CLEC4C: variants seen among roughly 807,000 people sequenced by gnomAD.
CLEC4C encodes C-type lectin domain family 4 member C.
A neutral mutation model predicts 27.7 loss-of-function variants in CLEC4C; 17 were observed. The ratio of observed to expected loss-of-function variants is 0.61; its 90% confidence interval spans 0.42 to 0.92. The LOEUF is 0.92. Ranked by LOEUF, CLEC4C falls within the 40% of genes least tolerant of loss-of-function variation. CLEC4C has a pLI of 0.00. For missense variants in CLEC4C, 244 were observed against 257.3 expected (o/e 0.95, Z 0.35); for synonymous variants, 80 against 80.8 (o/e 0.99, Z 0.06).
chr12:7,732,805 C>CA (rs1193147977), intron 4 of CLEC4C, among the ~76,000 whole-genome samples: 15 of 150,916 alleles, frequency 9.9e-5, no homozygotes, highest in East Asian at 6.0e-4. Flanking sequence ...TACCAAAATA[C>CA]AAAAAATTAG....
intron 3 of CLEC4C, 31 bp downstream of exon 3, chr12:7,741,390 G>A (rs768654860): frequency 3.5e-6 from 4 of 1,153,008 alleles, no homozygotes; most frequent in African/African-American, 1.5e-5. Flanking sequence ...TAATAGCAAG[G>A]GAAGTCTTGT....
intron 4 of CLEC4C, among the ~76,000 whole-genome samples, chr12:7,736,405 G>A (rs979361558): frequency 2.0e-5 from 3 of 152,124 alleles, no homozygotes; most frequent in Non-Finnish European, 4.4e-5. Flanking sequence ...TGAAAAGAAG[G>A]TAAGAAATGC....
intron 5 of CLEC4C, among the ~76,000 whole-genome samples, 170 bp from the exon 6 acceptor site, chr12:7,729,910 T>C (rs957892018): frequency 6.6e-6 from 1 of 152,160 alleles, no homozygotes; most frequent in East Asian, 1.9e-4. Context: ...GGCAGTTTCC[T>C]CTCCACTTGT....
chr12:7,746,883 G>A (rs1461329497), intron 1 of CLEC4C, among the ~76,000 whole-genome samples: 1 of 151,806 alleles, frequency 6.6e-6, no homozygotes, highest in African/African-American at 2.4e-5. Context: ...GGAGTGCAAT[G>A]GCACGATCTC....
intron 2 of CLEC4C, among the ~76,000 whole-genome samples, chr12:7,743,968 C>A (rs7304977): frequency 0.22 from 33,224 of 151,998 alleles, 4,328 homozygotes; most frequent in Admixed American, 0.31. Flanking sequence ...GAAGGCAAAG[C>A]GGGAGCTGGC....
In CLEC4C at chr12:7,730,819, T is replaced by A. The variant is rs1864579030; in HGVS notation, c.475A>T (p.Thr159Ser). 6.3e-7 allele frequency: 1 copy of A among 1,598,134 alleles called. No individual in the cohort carries two copies. The highest frequency in any genetic ancestry group is 8.6e-7 in the Non-Finnish European group (1 of 1,165,834). Residue 159 changes from threonine (T) to serine (S), a missense_variant, in exon 5 of 6, where the codon ACA (threonine) becomes TCA (serine). By Grantham distance (58) the Thr-to-Ser change is moderately conservative. Transcript: ENST00000360345. ...GRRHWQWVDQ[T>S]PYNENVTFWH... ...CACGTGACATTTTCATTGTATGGTGTCTGGTCAACCCATTGCCAATGTCGC... is the reference window on the plus strand; with the variant it reads ...CACGTGACATTTTCATTGTATGGTGACTGGTCAACCCATTGCCAATGTCGC...
At chr12:7,729,822 CAG>C (rs1864552134) in intron 5 of CLEC4C, 82 bp from the exon 6 acceptor site, 6 of 1,335,596 alleles carry the variant, frequency 4.5e-6, no homozygotes, top group Non-Finnish European at 6.3e-6. Flanking sequence ...TAGGGTTAAA[CAG>C]TGCGAAAGTC....
intron 4 of CLEC4C, among the ~76,000 whole-genome samples, chr12:7,733,375 T>C (rs1050934686): frequency 6.6e-6 from 1 of 151,606 alleles, no homozygotes; most frequent in African/African-American, 2.4e-5. Flanking sequence ...GCAATTCTCA[T>C]GCCTCAGCCT....
chr12:7,730,775 C>CT, intron 5 of CLEC4C, 22 bp downstream of exon 5: 6 of 1,267,932 alleles, frequency 4.7e-6, no homozygotes, highest in Non-Finnish European at 6.9e-6. Context: ...ACCCAGTGTC[C>CT]TTTACCTCAT....
intron 4 of CLEC4C, among the ~76,000 whole-genome samples, chr12:7,732,606 C>G (rs1483875291): frequency 1.3e-5 from 2 of 151,684 alleles, no homozygotes; most frequent in Non-Finnish European, 2.9e-5. Context: ...CCCTCCTCGG[C>G]CTTCCAAAGT....
rs780201706 is a variant in CLEC4C, at chr12:7,730,930, AAG to A, written c.382-20_382-19del. 6.0e-6 allele frequency: 8 copies of A among 1,323,620 alleles called. No individual in the cohort carries two copies. The East Asian group carries it at 1.8e-4, about 31-fold the overall frequency. The allele number at this position is 1,323,620 out of a possible 1,614,324, so 82.0% of individuals were successfully genotyped here. A position where few individuals can be genotyped will look rare whatever the true frequency, so the allele number is the denominator to read the frequency against. On this transcript the variant is annotated intron_variant, in intron 4 of 5. Transcript: ENST00000360345. ...ATGAAATCCTGAGGGAAGAAAATGG[AAG>A]AGTCATAGCTGATAGAGCAGGAGCA... is the stretch of plus-strand genomic sequence containing the variant.
At chr12:7,741,297 G>A in intron 3 of CLEC4C, 124 bp downstream of exon 3, 1 of 640,830 alleles carries the variant, frequency 1.6e-6, no homozygotes, top group South Asian at 1.8e-5. Context: ...CAAGTAGATA[G>A]TTAAAGAATG....
chr12:7,744,883 C>T (rs116928974), intron 2 of CLEC4C, among the ~76,000 whole-genome samples: 33,115 of 151,922 alleles, frequency 0.22, 4,256 homozygotes, highest in Admixed American at 0.31. Context: ...CCAAAGTGCT[C>T]ACAGGTGTGA....
At chr12:7,737,637 T>C in intron 3 of CLEC4C, 63 bp from the exon 4 acceptor site, 2 of 1,486,042 alleles carry the variant, frequency 1.3e-6, no homozygotes, top group Non-Finnish European at 1.8e-6. Context: ...CATAAAGTTA[T>C]AAGCTTAGCT....
At chr12:7,746,221 A>C in intron 2 of CLEC4C, 110 bp downstream of exon 2, 1 of 662,982 alleles carries the variant, frequency 1.5e-6, no homozygotes, top group South Asian at 1.9e-5. Context: ...CTCAAAAAAA[A>C]AAAAAAAAAA....
chr12:7,735,768 A>C (rs1276841943), intron 4 of CLEC4C, among the ~76,000 whole-genome samples: 2 of 151,764 alleles, frequency 1.3e-5, no homozygotes, highest in African/African-American at 4.8e-5. Flanking sequence ...GAGCCACTGC[A>C]CTCCAGCCTG....
upstream of CLEC4C, chr12:7,747,632 CTTT>C (rs201227947): frequency 6.0e-3 from 529 of 88,344 alleles, 1 homozygote; most frequent in South Asian, 0.03. Flanking sequence ...GTCTGATTGT[CTTT>C]TTTTTTTTTT....
At chr12:7,742,972 C>T (rs1374881286) in intron 2 of CLEC4C, among the ~76,000 whole-genome samples, 1 of 152,160 alleles carries the variant, frequency 6.6e-6, no homozygotes, top group Non-Finnish European at 1.5e-5. Context: ...ATGTTCTTAA[C>T]CCTATCTTAT....
At chr12:7,734,647 C>T (rs1864679987) in intron 4 of CLEC4C, among the ~76,000 whole-genome samples, 2 of 150,280 alleles carry the variant, frequency 1.3e-5, no homozygotes, top group Non-Finnish European at 1.5e-5. Context: ...CCCCTGGGTT[C>T]AAGTGATTCT....
Sources: gnomAD v4.1 joint callset for allele counts (sites outside exome capture counted in the v4.1 genomes callset) on GRCh38, gnomAD v4.1.1 for gene constraint, MANE v1.5 for transcripts, NCBI Gene and HGNC (gene_info 2026-07-23, HGNC 2026-07-21) for gene names.